Variants in FBXO16 observed in about 807,000 individuals in gnomAD.
FBXO16 encodes F-box protein 16.
Under a neutral mutation model 41.0 loss-of-function variants are expected in FBXO16, and 31 were observed. The ratio of observed to expected loss-of-function variants is 0.76; its 90% CI spans 0.57 to 1.02. The LOEUF is 1.02. FBXO16 is among the 50% of genes least tolerant of loss of function. The pLI is 0.00. For synonymous variants in FBXO16, 133 were observed against 117.8 expected, an observed-to-expected ratio of 1.13 and a Z score of -0.84; for missense variants, 361 against 346.2, an observed-to-expected ratio of 1.04 and a Z score of -0.34.
At chr8:28,457,029 G>C in intron 4 of FBXO16, 99 bp from the exon 5 acceptor site, 1 of 1,374,168 alleles carries the variant, frequency 7.3e-7, no homozygotes, top group South Asian at 1.6e-5. Flanking sequence ...CTGGACCTGA[G>C]AAAACTTTTT....
intron 1 of FBXO16, among the ~76,000 whole-genome samples, chr8:28,483,990 T>C (rs1214966316): frequency 1.3e-5 from 2 of 152,182 alleles, no homozygotes; most frequent in Non-Finnish European, 2.9e-5. Context: ...GTGGTGGGTT[T>C]TAACTCATTT....
At chr8:28,469,626 G>A (rs1803299324) in intron 3 of FBXO16, among the ~76,000 whole-genome samples, 1 of 152,200 alleles carries the variant, frequency 6.6e-6, no homozygotes, top group African/African-American at 2.4e-5. Flanking sequence ...CAAAATGGCT[G>A]GGAGTGGTGG....
chr8:28,442,453 A>T (rs1320424454), intron 7 of FBXO16, among the ~76,000 whole-genome samples: 1 of 151,974 alleles, frequency 6.6e-6, no homozygotes, highest in Non-Finnish European at 1.5e-5. Flanking sequence ...GTGCGATCTC[A>T]AGCCACTGTA....
chr8:28,440,588 A>G (rs934963758), intron 7 of FBXO16, among the ~76,000 whole-genome samples: 1 of 152,170 alleles, frequency 6.6e-6, no homozygotes, highest in African/African-American at 2.4e-5. Flanking sequence ...GAGTGAAGGA[A>G]AAAAGGTGAG....
intron 7 of FBXO16, among the ~76,000 whole-genome samples, chr8:28,432,307 C>T (rs1227021955): frequency 6.6e-6 from 1 of 151,990 alleles, no homozygotes; most frequent in Non-Finnish European, 1.5e-5. Flanking sequence ...AACCCTATCC[C>T]TACTAAAAAT....
At chr8:28,428,887 G>T in intron 8 of FBXO16, 151 bp from the exon 9 acceptor site, 2 of 897,358 alleles carry the variant, frequency 2.2e-6, no homozygotes, top group Non-Finnish European at 3.3e-6. Context: ...ACTCCCCTCT[G>T]CCCCCATGCA....
In FBXO16 at chr8:28,469,862, A is replaced by G. The variant is rs560215282; in HGVS notation, c.135+3910T>C. 2.3e-5 allele frequency among the ~76,000 whole-genome samples: 3 copies of G among 132,172 alleles called. No homozygotes were observed. In the East Asian group the frequency reaches 6.9e-4, roughly 30 times the overall value. The allele number at this position is 132,172 out of a possible 152,430, so 86.7% of individuals were successfully genotyped here. A position where few individuals can be genotyped will look rare whatever the true frequency, so the allele number is the denominator to read the frequency against. ...GTTGCAGTGAGCCGAGATCGCGCCA[A>G]TGCACTCCAGCCTGGGCGACAGAGC... On this transcript the variant is annotated intron_variant, in intron 3 of 8. Transcript: ENST00000380254.
chr8:28,477,742 G>GAT (rs1236958654), intron 2 of FBXO16, among the ~76,000 whole-genome samples: 2 of 152,178 alleles, frequency 1.3e-5, no homozygotes, highest in Non-Finnish European at 2.9e-5. Flanking sequence ...TTAACAGTTT[G>GAT]ATATAGCTGG....
At chr8:28,454,636 G>C (rs1377202888) in intron 5 of FBXO16, among the ~76,000 whole-genome samples, 1 of 150,366 alleles carries the variant, frequency 6.7e-6, no homozygotes, top group Non-Finnish European at 1.5e-5. Flanking sequence ...GCTGAGGAAG[G>C]AGAATGGCGT....
chr8:28,472,514 G>T (rs1485742204), intron 3 of FBXO16, among the ~76,000 whole-genome samples: 1 of 152,044 alleles, frequency 6.6e-6, no homozygotes, highest in African/African-American at 2.4e-5. Flanking sequence ...GGGGGGCGGG[G>T]TGGATCACCT....
chr8:28,474,352 A>AAGAG (rs1554528220), intron 2 of FBXO16, among the ~76,000 whole-genome samples: 32 of 127,966 alleles, frequency 2.5e-4, no homozygotes, highest in African/African-American at 7.3e-4. Flanking sequence ...AAAAAAAAAA[A>AAGAG]AGAGAGAGAA....
At chr8:28,486,074 C>T (rs1478931913) in intron 1 of FBXO16, among the ~76,000 whole-genome samples, 1 of 147,756 alleles carries the variant, frequency 6.8e-6, no homozygotes, top group East Asian at 2.1e-4. Flanking sequence ...CCACTGCACT[C>T]CAGCCTGGGT....
chr8:28,437,644 G>A (rs376976882), intron 7 of FBXO16, among the ~76,000 whole-genome samples: 14 of 152,160 alleles, frequency 9.2e-5, no homozygotes, highest in East Asian at 3.8e-4. Context: ...AGGCCAAGGC[G>A]GGAGGACTGC....
intron 1 of FBXO16, among the ~76,000 whole-genome samples, chr8:28,485,471 C>G (rs1040274801): frequency 7.2e-5 from 11 of 152,174 alleles, no homozygotes; most frequent in African/African-American, 2.7e-4. Context: ...CTGTGCCCGA[C>G]CTTTGATAAT....
intron 2 of FBXO16, among the ~76,000 whole-genome samples, chr8:28,482,825 T>C (rs1475308371): frequency 6.6e-6 from 1 of 151,994 alleles, no homozygotes; most frequent in South Asian, 2.1e-4. Flanking sequence ...ATGATCCACC[T>C]GCCTTGGCCT....
intron 2 of FBXO16, among the ~76,000 whole-genome samples, chr8:28,478,024 A>C (rs568253426): frequency 7.2e-5 from 11 of 152,170 alleles, no homozygotes; most frequent in East Asian, 3.9e-4. Context: ...CAAACAAACA[A>C]ACACCAGCTT....
chr8:28,436,813 A>G (rs1802694019), intron 7 of FBXO16, among the ~76,000 whole-genome samples: 1 of 152,210 alleles, frequency 6.6e-6, no homozygotes, highest in Non-Finnish European at 1.5e-5. Flanking sequence ...GTGCAGTAGT[A>G]CAATCATAGC....
chr8:28,484,007 C>G (rs567643275), intron 1 of FBXO16, among the ~76,000 whole-genome samples: 2 of 152,202 alleles, frequency 1.3e-5, no homozygotes, highest in Admixed American at 6.5e-5. Context: ...ATTTTACACA[C>G]GAGGAAGATT....
intron 1 of FBXO16, among the ~76,000 whole-genome samples, chr8:28,485,334 G>A (rs1197237439): frequency 6.6e-6 from 1 of 151,988 alleles, no homozygotes; most frequent in Non-Finnish European, 1.5e-5. Context: ...CACCACGACT[G>A]GCTAATTTTT....
Sources: allele counts gnomAD v4.1 joint callset (sites outside exome capture counted in the v4.1 genomes callset), GRCh38; gene constraint gnomAD v4.1.1; transcripts MANE v1.5; gene names NCBI Gene and HGNC (gene_info 2026-07-23, HGNC 2026-07-21).